The following ILDR2 variants were observed in gnomAD, a reference collection of about 807,000 sequenced individuals.
The protein encoded by ILDR2 is immunoglobulin-like domain-containing receptor 2.
Under a neutral mutation model 66.8 loss-of-function variants are expected in ILDR2, and 25 were observed. That is an observed-to-expected ratio of 0.37 (90% CI 0.27 to 0.52). ILDR2 has a LOEUF of 0.52. Among genes scored for constraint, ILDR2 ranks in the 20% least tolerant of loss-of-function variants. The pLI is 0.88. For synonymous variants in ILDR2, 367 were observed against 357.2 expected (o/e 1.03, Z -0.31); for missense variants, 827 against 876.8 (o/e 0.94, Z 0.72).
rs909480806 is a variant in ILDR2, at chr1:166,916,676, C to T, written c.*2679G>A. 3 of 152,234 alleles carry T rather than the reference C, an allele frequency of 2.0e-5. No homozygotes were observed. The highest frequency in any genetic ancestry group is 2.0e-4 in the Admixed American group (3 of 15,274). The allele number at this position is 152,234 out of a possible 1,614,324, so 9.4% of individuals were successfully genotyped here. On this transcript the variant is annotated 3_prime_UTR_variant, in exon 10 of 10. Coordinates refer to ENST00000271417, the MANE Select transcript of ILDR2 (RefSeq NM_199351.3). Reference sequence around the variant, plus strand: ...CAGAAACAACTGCTTTTTCTCTCTACTGAAAGCCTGGAAGTCTGAATGATT... The same window carrying T: ...CAGAAACAACTGCTTTTTCTCTCTATTGAAAGCCTGGAAGTCTGAATGATT...
intron 2 of ILDR2, among the ~76,000 whole-genome samples, chr1:166,900,814 C>A (rs887822912): frequency 5.9e-5 from 9 of 152,112 alleles, no homozygotes; most frequent in African/African-American, 2.2e-4. Flanking sequence ...AAGTGTAGAG[C>A]TTTTGTTTTG....
At chr1:166,900,326 G>C (rs1659238741) in intron 2 of ILDR2, among the ~76,000 whole-genome samples, 1 of 151,572 alleles carries the variant, frequency 6.6e-6, no homozygotes, top group African/African-American at 2.4e-5. Flanking sequence ...CAAAAACCCT[G>C]AGTTGTTCAT....
At chr1:166,929,997 G>A (rs1251948846) in intron 6 of ILDR2, among the ~76,000 whole-genome samples, 5 of 152,150 alleles carry the variant, frequency 3.3e-5, no homozygotes, top group Admixed American at 3.3e-4. Flanking sequence ...CTGAAGCACT[G>A]TTATGGTAAA....
At position 166,958,035 on chromosome 1, in the gene ILDR2, G is replaced by A; in HGVS notation, c.113C>T (p.Thr38Ile). The change falls in exon 2 of 10, where the codon ACT (threonine) becomes ATT (isoleucine). Residue 38 changes from threonine to isoleucine, a missense_variant. Thr to Ile is a moderately conservative substitution (Grantham distance 89, BLOSUM62 -1). Around this residue, in one of 2 missense-constraint regions of ILDR2, gnomAD observed 437 missense variants for 523.2 expected, o/e 0.84. Coordinates refer to ENST00000271417, the MANE Select transcript of ILDR2 (RefSeq NM_199351.3). ...TGTTGAGAAGTGGCAGCGAAGCACA[G>A]TGGGCTGGAAGAGCATGGCCACCTT... Reference protein sequence around the residue: ...KKKVAMLFQPTVLRCHFSTSS... With the variant: ...KKKVAMLFQPIVLRCHFSTSS... 1.2e-6 allele frequency: 2 copies of A among 1,614,116 alleles called. No individual in the cohort carries two copies. The highest frequency in any genetic ancestry group is 1.1e-5 in the South Asian group (1 of 91,074).
rs73024897 is a variant in ILDR2 at position 166,899,605 on chromosome 1, C to G, written n.172-3504G>C. ...GAGCCATGGGCCTTTTTGCTGTCCT[C>G]TCAAGAACTTGTTCATAGAAAAAGC... On this transcript the variant is annotated intron_variant and non_coding_transcript_variant, in intron 2 of 2. Coordinates refer to the ILDR2 transcript ENST00000414590. Among the ~76,000 whole-genome samples, 489 of 152,198 alleles carry G rather than the reference C, an allele frequency of 3.2e-3. 5 individuals are homozygous for G. The highest frequency in any genetic ancestry group is 0.011 in the African/African-American group (467 of 41,540).
chr1:166,926,787 A>G (rs1411726350), intron 7 of ILDR2, among the ~76,000 whole-genome samples: 2 of 152,026 alleles, frequency 1.3e-5, no homozygotes, highest in African/African-American at 2.4e-5. Context: ...TGTTGGTTCT[A>G]TCCATGGGGC....
At chr1:166,972,618 A>T (rs758987053) in intron 1 of ILDR2, among the ~76,000 whole-genome samples, 4 of 152,238 alleles carry the variant, frequency 2.6e-5, no homozygotes, top group Non-Finnish European at 4.4e-5. Context: ...GTAATGAAAG[A>T]CAAGGAAGAA....
intron 2 of ILDR2, among the ~76,000 whole-genome samples, chr1:166,898,416 T>A (rs1659206717): frequency 6.6e-6 from 1 of 152,210 alleles, no homozygotes; most frequent in Admixed American, 6.5e-5. Context: ...CCCAAAGCTA[T>A]TCTTTTCTCT....
At chr1:166,958,233 T>C (rs1489065583) in intron 1 of ILDR2, 132 bp from the exon 2 acceptor site, 5 of 714,204 alleles carry the variant, frequency 7.0e-6, no homozygotes, top group Non-Finnish European at 9.3e-6. Flanking sequence ...TTATAATTAA[T>C]GGCATTAATA....
chr1:166,975,036 TCACACA>T (rs67253020), intron 1 of ILDR2, among the ~76,000 whole-genome samples, 181 bp downstream of exon 1: 3 of 149,044 alleles, frequency 2.0e-5, no homozygotes, highest in Middle Eastern at 6.9e-3. Flanking sequence ...TCTCTCTCTC[TCACACA>T]CACACACACA....
Position 166,957,796 on chromosome 1 carries a change from T to C in ILDR2, c.352A>G (p.Arg118Gly). 1 of 1,613,874 alleles carries C rather than the reference T, an allele frequency of 6.2e-7. No homozygotes were observed. Among genetic ancestry groups the C allele is most frequent in the Non-Finnish European group, 8.5e-7 (1 of 1,179,768 alleles). ...GSTVTLGDFY[R>G]GREITIVHDA... ...TGAACAATCGTGATCTCTCTGCCCC[T>C]GTAGAAATCTCCCAGGGTGACAGTC... Residue 118 changes from arginine (R) to glycine (G), a missense_variant, in exon 2 of 10, where the codon AGG (arginine) becomes GGG (glycine). Coordinates refer to ENST00000271417, the MANE Select transcript of ILDR2 (RefSeq NM_199351.3).
In ILDR2 at chr1:166,913,890, G is replaced by A. The variant is rs1659539726; in HGVS notation, c.*5465C>T. The A allele has an allele frequency of 6.6e-6, 1 of 152,294 alleles. No homozygotes were observed. The highest frequency in any genetic ancestry group is 1.5e-5 in the Non-Finnish European group (1 of 68,112). The allele number at this position is 152,294 out of a possible 1,614,324, so 9.4% of individuals were successfully genotyped here. ...CCAGCACTTTAGGCAGCCAAGGTGG[G>A]AGGATCACTTGAGGCCAGGAGTTTG... On this transcript the variant is annotated 3_prime_UTR_variant, in exon 10 of 10. Coordinates refer to ENST00000271417, the MANE Select transcript of ILDR2 (RefSeq NM_199351.3).
chr1:166,915,109 A>T lies in ILDR2; in HGVS notation c.*4246T>A, dbSNP rs1659592549. The T allele has an allele frequency of 6.6e-6, 1 of 152,208 alleles. No individual in the cohort carries two copies. The highest frequency in any genetic ancestry group is 6.5e-5 in the Admixed American group (1 of 15,280). 9.4% of individuals were successfully genotyped at this position (152,208 alleles called of 1,614,324 possible). On this transcript the variant is annotated 3_prime_UTR_variant, in exon 10 of 10. Transcript: ENST00000271417. Reference sequence around the variant, plus strand: ...TGTAATTCTTGTTGTCTGTTCTGAGACTGTCACAATAGATCACTGTTCTGG... The same window carrying T: ...TGTAATTCTTGTTGTCTGTTCTGAGTCTGTCACAATAGATCACTGTTCTGG...
At chr1:166,901,505 G>C (rs896526786) in intron 2 of ILDR2, among the ~76,000 whole-genome samples, 1 of 152,120 alleles carries the variant, frequency 6.6e-6, no homozygotes, top group Non-Finnish European at 1.5e-5. Context: ...TATTCTTGCT[G>C]GTCCTCTCCT....
chr1:166,935,532 C>T, intron 5 of ILDR2, 55 bp from the exon 6 acceptor site: 1 of 1,470,226 alleles, frequency 6.8e-7, no homozygotes, highest in Non-Finnish European at 9.1e-7. Flanking sequence ...CTCCACAACC[C>T]TCACACCAAA....
rs904871613 is a variant in ILDR2 at position 166,908,454 on chromosome 1, T to A, written c.*10901A>T. ...TGCCCAAATACCATCACATTAGGAT[T>A]AGGATTTTGACATAAAAATTTGGGG... On this transcript the variant is annotated 3_prime_UTR_variant, in exon 10 of 10. Coordinates refer to ENST00000271417, the MANE Select transcript of ILDR2 (RefSeq NM_199351.3). The A allele has an allele frequency of 9.9e-5, 15 of 152,186 alleles. No individual in the cohort carries two copies. Among genetic ancestry groups the A allele is most frequent in the African/African-American group, 3.6e-4 (15 of 41,440 alleles). The allele number at this position is 152,186 out of a possible 1,614,324, so 9.4% of individuals were successfully genotyped here.
At chr1:166,926,612 C>T (rs1426403132) in intron 7 of ILDR2, among the ~76,000 whole-genome samples, 3 of 151,668 alleles carry the variant, frequency 2.0e-5, no homozygotes. Context: ...CTTAAGCTTC[C>T]ACATCTTAAG....
intron 7 of ILDR2, among the ~76,000 whole-genome samples, chr1:166,926,472 C>T (rs1343576038): frequency 2.6e-5 from 4 of 151,906 alleles, no homozygotes; most frequent in East Asian, 2.0e-4. Context: ...TTGGCATCTT[C>T]GAGGAGCAAC....
chr1:166,948,455 C>G (rs539033195), intron 3 of ILDR2, among the ~76,000 whole-genome samples: 1 of 152,316 alleles, frequency 6.6e-6, no homozygotes, highest in Admixed American at 6.5e-5. Flanking sequence ...CAGACTTCAT[C>G]AAATGGCCTG....
Sources: gnomAD v4.1 joint callset for allele counts (sites outside exome capture counted in the v4.1 genomes callset) on GRCh38, gnomAD v4.1.1 for gene constraint, gnomAD v4.1.1 regional missense constraint, MANE v1.5 for transcripts, NCBI Gene and HGNC (gene_info 2026-07-23, HGNC 2026-07-21) for gene names.